HPSE2: variants seen among roughly 807,000 people sequenced by gnomAD.
HPSE2 encodes the protein inactive heparanase-2.
HPSE2 carries 38 observed loss-of-function variants against 60.5 expected under a neutral mutation model. That is an observed-to-expected ratio of 0.63 (90% CI 0.48 to 0.82). The LOEUF is 0.82. Ranked by LOEUF, HPSE2 falls within the 40% of genes least tolerant of loss-of-function variation. The pLI is 0.00. For synonymous variants in HPSE2, 295 were observed against 293.2 expected (o/e 1.01, Z -0.06); for missense variants, 713 against 740.4 (o/e 0.96, Z 0.43).
chr10:99,047,502 C>T (rs1292309570), intron 3 of HPSE2: 1 of 396,152 alleles, frequency 2.5e-6, no homozygotes. Flanking sequence ...AGCTTCTGCA[C>T]AGCAAAAGAA....
chr10:98,556,667 A>G (rs899351208), intron 9 of HPSE2, among the ~76,000 whole-genome samples: 1 of 152,236 alleles, frequency 6.6e-6, no homozygotes, highest in Non-Finnish European at 1.5e-5. Flanking sequence ...TGAAGAACTC[A>G]AAATAAATGA....
At chr10:98,696,292 T>TAAAAAAA (rs71009706) in intron 5 of HPSE2, among the ~76,000 whole-genome samples, 1 of 89,656 alleles carries the variant, frequency 1.1e-5, no homozygotes, top group African/African-American at 4.1e-5. Flanking sequence ...GAGGCTCCCA[T>TAAAAAAA]AAAAAAAAAA....
chr10:99,230,635 T>C (rs1051405551), intron 2 of HPSE2, among the ~76,000 whole-genome samples: 1 of 152,262 alleles, frequency 6.6e-6, no homozygotes, highest in Middle Eastern at 3.4e-3. Context: ...AAACAAATTG[T>C]AGCCTTCATT....
intron 3 of HPSE2, among the ~76,000 whole-genome samples, chr10:98,868,080 A>AG (rs1484477160): frequency 0.081 from 113 of 1,392 alleles, 1 homozygote; most frequent in South Asian, 0.29. Flanking sequence ...AAAGAAAGAA[A>AG]ATAAATAAAT....
chr10:98,809,326 T>C (rs1291057034), intron 3 of HPSE2, among the ~76,000 whole-genome samples: 2 of 152,098 alleles, frequency 1.3e-5, no homozygotes, highest in Non-Finnish European at 2.9e-5. Context: ...TTTTTGCATA[T>C]GTTTAAAATT....
At chr10:98,811,777 A>G (rs1465056626) in intron 3 of HPSE2, among the ~76,000 whole-genome samples, 1 of 152,166 alleles carries the variant, frequency 6.6e-6, no homozygotes, top group Non-Finnish European at 1.5e-5. Context: ...TCAGACTGAC[A>G]TCTTAACAAT....
intron 3 of HPSE2, among the ~76,000 whole-genome samples, chr10:98,894,303 A>G (rs1172229093): frequency 1.3e-5 from 2 of 152,158 alleles, no homozygotes; most frequent in East Asian, 3.9e-4. Flanking sequence ...GGACCCCAGA[A>G]TATTTCAGAT....
At chr10:99,150,827 A>T (rs1589735080) in intron 2 of HPSE2, among the ~76,000 whole-genome samples, 1 of 43,996 alleles carries the variant, frequency 2.3e-5, no homozygotes, top group African/African-American at 3.8e-5. Context: ...AGGAAAAAAT[A>T]AAGTGAAAAA....
At chr10:99,111,556 A>G (rs1844463433) in intron 3 of HPSE2, among the ~76,000 whole-genome samples, 1 of 152,224 alleles carries the variant, frequency 6.6e-6, no homozygotes, top group African/African-American at 2.4e-5. Flanking sequence ...TTCCTTTCAA[A>G]TTGTTCAACA....
At chr10:98,609,504 C>T (rs547107553) in intron 9 of HPSE2, among the ~76,000 whole-genome samples, 25 of 152,184 alleles carry the variant, frequency 1.6e-4, no homozygotes, top group South Asian at 1.2e-3. Context: ...AAAAAATTCA[C>T]GTAAGAAAAT....
At chr10:98,646,474 A>G (rs1946774116) in intron 6 of HPSE2, among the ~76,000 whole-genome samples, 1 of 152,132 alleles carries the variant, frequency 6.6e-6, no homozygotes, top group Non-Finnish European at 1.5e-5. Flanking sequence ...ACTAAAAACC[A>G]AAGCCAAGAA....
the HPSE2 span, among the ~76,000 whole-genome samples, chr10:99,312,007 C>A: frequency 2.6e-5 from 4 of 152,186 alleles, no homozygotes; most frequent in Admixed American, 6.5e-5. Flanking sequence ...AAAGCCTAAT[C>A]CAGAGCAAGG....
At chr10:98,601,453 C>T (rs934232848) in intron 9 of HPSE2, among the ~76,000 whole-genome samples, 2 of 152,120 alleles carry the variant, frequency 1.3e-5, no homozygotes, top group Non-Finnish European at 2.9e-5. Context: ...AATCTGAGTT[C>T]AGCCAAGAAC....
At chr10:98,513,183 G>A (rs1412963862) in intron 9 of HPSE2, among the ~76,000 whole-genome samples, 1 of 152,134 alleles carries the variant, frequency 6.6e-6, no homozygotes, top group Non-Finnish European at 1.5e-5. Context: ...AGGTATCTAT[G>A]TTCCCCTTGT....
At chr10:98,678,584 T>G (rs1947706457) in intron 6 of HPSE2, among the ~76,000 whole-genome samples, 1 of 152,006 alleles carries the variant, frequency 6.6e-6, no homozygotes, top group South Asian at 2.1e-4. Flanking sequence ...CAGTAGTAGT[T>G]CAGACTCACC....
chr10:98,513,243 C>T (rs1363023856), intron 9 of HPSE2, among the ~76,000 whole-genome samples: 15 of 152,112 alleles, frequency 9.9e-5, no homozygotes. Context: ...TATGGCTGGA[C>T]TTTAGGTAAT....
At chr10:99,060,268 G>C (rs1208877499) in intron 3 of HPSE2, among the ~76,000 whole-genome samples, 1 of 152,074 alleles carries the variant, frequency 6.6e-6, no homozygotes, top group African/African-American at 2.4e-5. Context: ...GCTTAGAAGA[G>C]GTGGAGCAAG....
chr10:98,578,152 T>C (rs946475168), intron 9 of HPSE2, among the ~76,000 whole-genome samples: 1 of 152,212 alleles, frequency 6.6e-6, no homozygotes, highest in African/African-American at 2.4e-5. Flanking sequence ...CAGCATCCTT[T>C]GGAAAAACTA....
Position 99,144,226 on chromosome 10 carries a change from C to T in HPSE2, c.610+12G>A. ...AATGCTCTAAGATTTCAACCAACTC[C>T]AATAGCCTTACCTGTTAATATGAGA... On this transcript the variant is annotated intron_variant, in intron 3 of 11. Transcript: ENST00000370552. 2 of 1,613,298 alleles carry T rather than the reference C, an allele frequency of 1.2e-6. No homozygotes were observed. The highest frequency in any genetic ancestry group is 2.2e-5 in the East Asian group (1 of 44,866).
Sources: allele counts gnomAD v4.1 joint callset (sites outside exome capture counted in the v4.1 genomes callset), GRCh38; gene constraint gnomAD v4.1.1; transcripts MANE v1.5; gene names NCBI Gene and HGNC (gene_info 2026-07-23, HGNC 2026-07-21).